The following PPP2R2C variants were observed in gnomAD, a reference collection of about 807,000 sequenced individuals.
PPP2R2C encodes protein phosphatase 2 regulatory subunit Bgamma.
In PPP2R2C, 10 loss-of-function variants were observed where a neutral mutation model predicts 45.3. The observed-to-expected ratio is 0.22, with a 90% CI of 0.14 to 0.37. PPP2R2C has a LOEUF of 0.37. PPP2R2C is among the 10% of genes least tolerant of loss of function. The pLI is 1.00. For synonymous variants in PPP2R2C, 257 were observed against 245.4 expected (o/e 1.05, Z -0.44); for missense variants, 308 against 619.7 (o/e 0.50, Z 5.34).
At chr4:6,459,739 A>G (rs1243847127) in intron 1 of PPP2R2C, among the ~76,000 whole-genome samples, 1 of 152,152 alleles carries the variant, frequency 6.6e-6, no homozygotes. Flanking sequence ...GTGAGCCAAG[A>G]TCACGACACT....
chr4:6,480,250 C>A (rs1560577413), intron 2 of PPP2R2C, among the ~76,000 whole-genome samples: 1 of 152,138 alleles, frequency 6.6e-6, no homozygotes, highest in African/African-American at 2.4e-5. Flanking sequence ...CTACAAACTG[C>A]TTTTTTTCCT....
chr4:6,511,942 TTGG>T (rs1560594691), intron 2 of PPP2R2C, among the ~76,000 whole-genome samples: 1 of 60 alleles, frequency 0.017, no homozygotes, highest in African/African-American at 0.062. Flanking sequence ...GGTGTTGGTG[TTGG>T]TGGTGGTGGT....
At chr4:6,347,391 G>A (rs1712076837) in intron 6 of PPP2R2C, among the ~76,000 whole-genome samples, 2 of 152,142 alleles carry the variant, frequency 1.3e-5, no homozygotes. Flanking sequence ...GAGGGGACAT[G>A]TTACAGACCC....
intron 1 of PPP2R2C, among the ~76,000 whole-genome samples, chr4:6,390,917 G>A (rs1198348151): frequency 1.3e-5 from 2 of 152,150 alleles, no homozygotes; most frequent in Admixed American, 6.5e-5. Flanking sequence ...CTGGTGAGAC[G>A]TTTCCTCCTG....
In PPP2R2C at chr4:6,321,887, C is replaced by T. The variant is rs1731571943; in HGVS notation, c.*1415G>A. The T allele has an allele frequency of 6.6e-6, 1 of 152,120 alleles. No homozygotes were observed. The allele number at this position is 152,120 out of a possible 1,614,324, so 9.4% of individuals were successfully genotyped here. A position where few individuals can be genotyped will look rare whatever the true frequency, so the allele number is the denominator to read the frequency against. On this transcript the variant is annotated 3_prime_UTR_variant, in exon 9 of 9. Coordinates refer to ENST00000382599, the MANE Select transcript of PPP2R2C (RefSeq NM_020416.4). ...TTCCCGAGGGATGTGTCCTCTGGGA[C>T]TGTGTGGTCCTTAAAGTAAAGGTAT...
chr4:6,419,236 G>C (rs1305868686), intron 1 of PPP2R2C, among the ~76,000 whole-genome samples: 1 of 152,114 alleles, frequency 6.6e-6, no homozygotes, highest in Non-Finnish European at 1.5e-5. Context: ...TGGCCAACGT[G>C]GTGAAACCCC....
At position 6,330,989 on chromosome 4, in the gene PPP2R2C, G is replaced by A. The variant is rs894374300; in HGVS notation, c.961-1636C>T. ...CTGGGACCCTCGAGGGTGAGGCCGA[G>A]GTTCTTCCTTCTCTCTGGGTCCAGG... On this transcript the variant is annotated intron_variant, in intron 7 of 8. Transcript: ENST00000382599. The surrounding 1 kb of genome is among the most constrained non-coding windows in gnomAD (Gnocchi z 7.0). Among the ~76,000 whole-genome samples, 17 of 152,132 alleles carry A rather than the reference G, an allele frequency of 1.1e-4. No individual in the cohort carries two copies. The highest frequency in any genetic ancestry group is 4.1e-4 in the African/African-American group (17 of 41,432).
chr4:6,357,457 T>A (rs946931253), intron 5 of PPP2R2C, among the ~76,000 whole-genome samples: 8 of 152,228 alleles, frequency 5.3e-5, no homozygotes, highest in African/African-American at 1.4e-4. Context: ...AGGACTCAAC[T>A]CTGCTGTTGT....
chr4:6,391,422 G>C (rs12647442), intron 1 of PPP2R2C, among the ~76,000 whole-genome samples: 66,098 of 152,088 alleles, frequency 0.43, 14,384 homozygotes, highest in South Asian at 0.5. Flanking sequence ...CTCTGCACAC[G>C]CGCTGGGCCT....
chr4:6,508,343 T>C (rs1183392874), intron 2 of PPP2R2C, among the ~76,000 whole-genome samples: 1 of 152,104 alleles, frequency 6.6e-6, no homozygotes, highest in East Asian at 1.9e-4. Context: ...TCCCAGCACT[T>C]TGGGAGGCCG....
At chr4:6,409,471 C>T (rs984799338) in intron 1 of PPP2R2C, among the ~76,000 whole-genome samples, 2 of 152,154 alleles carry the variant, frequency 1.3e-5, no homozygotes, top group East Asian at 3.9e-4. Context: ...GAACCCCACG[C>T]CCCAAATAAC....
At chr4:6,427,943 C>G (rs1384455612) in intron 1 of PPP2R2C, among the ~76,000 whole-genome samples, 7 of 152,168 alleles carry the variant, frequency 4.6e-5, no homozygotes, top group African/African-American at 7.2e-5. Flanking sequence ...CCTAACAGCC[C>G]AAGGAGGTGG....
chr4:6,404,220 T>TC (rs34580020), intron 1 of PPP2R2C, among the ~76,000 whole-genome samples: 10 of 151,642 alleles, frequency 6.6e-5, no homozygotes, highest in Non-Finnish European at 1.2e-4. Flanking sequence ...TCCTTAGAGG[T>TC]CCCCCCCTCC....
At chr4:6,530,053 C>A (rs192093320) in intron 2 of PPP2R2C, among the ~76,000 whole-genome samples, 1 of 152,154 alleles carries the variant, frequency 6.6e-6, no homozygotes, top group Non-Finnish European at 1.5e-5. Flanking sequence ...CACAGATTCA[C>A]AAACCACAAG....
chr4:6,338,758 G>A (rs1474425553), intron 6 of PPP2R2C, among the ~76,000 whole-genome samples: 1 of 152,146 alleles, frequency 6.6e-6, no homozygotes, highest in Non-Finnish European at 1.5e-5. Context: ...CAAAGGCTCT[G>A]GGGGTGGGTG....
In PPP2R2C at chr4:6,563,291, C is replaced by T. The variant is rs1364616639; in HGVS notation, c.-59+269G>A. On this transcript the variant is annotated intron_variant, in intron 1 of 9. Coordinates refer to the PPP2R2C transcript ENST00000506140. The surrounding 1 kb of genome is among the most constrained non-coding windows in gnomAD (Gnocchi z 5.8). ...CGGTTCTGTCGGGTTCCCTCAAGAC[C>T]CCGAGAGCACGCGCTCCGGAGGGAC... Among the ~76,000 whole-genome samples, 1 of 152,106 alleles carries T rather than the reference C, an allele frequency of 6.6e-6. No individual in the cohort carries two copies. The highest frequency in any genetic ancestry group is 1.5e-5 in the Non-Finnish European group (1 of 67,978).
At chr4:6,390,638 G>A (rs1466206138) in intron 1 of PPP2R2C, among the ~76,000 whole-genome samples, 2 of 152,236 alleles carry the variant, frequency 1.3e-5, no homozygotes, top group East Asian at 1.9e-4. Context: ...ACGGAAGGCC[G>A]TTGGGCTCTC....
intron 1 of PPP2R2C, among the ~76,000 whole-genome samples, chr4:6,561,595 T>C (rs577855215): frequency 6.6e-6 from 1 of 152,202 alleles, no homozygotes; most frequent in African/African-American, 2.4e-5. Context: ...AAAAAGAGCT[T>C]AATGGCTACA....
intron 1 of PPP2R2C, among the ~76,000 whole-genome samples, chr4:6,410,861 AT>A (rs1028688204): frequency 1.4e-5 from 2 of 146,710 alleles, no homozygotes; most frequent in African/African-American, 5.2e-5. Flanking sequence ...TTATTTATTT[AT>A]TTATTTATTT....
Sources: allele counts gnomAD v4.1 joint callset (sites outside exome capture counted in the v4.1 genomes callset), GRCh38; gene constraint gnomAD v4.1.1; non-coding constraint Gnocchi (gnomAD v3.1); transcripts MANE v1.5; gene names NCBI Gene and HGNC (gene_info 2026-07-23, HGNC 2026-07-21).